Variants in PDK1 observed in about 807,000 individuals in gnomAD.
The protein encoded by PDK1 is [Pyruvate dehydrogenase (acetyl-transferring)] kinase isozyme 1, mitochondrial.
In PDK1, 39 loss-of-function variants were observed where a neutral mutation model predicts 54.2. The ratio of observed to expected loss-of-function variants is 0.72; its 90% CI spans 0.56 to 0.94. The LOEUF (loss-of-function observed/expected upper bound fraction) is 0.94, where lower values mean the gene tolerates loss of function less well. Ranked by LOEUF, PDK1 falls within the 40% of genes least tolerant of loss-of-function variation. The probability of loss-of-function intolerance (pLI) is 0.00; values close to 1 mark genes in which losing one functional copy is unlikely to be tolerated. For synonymous variants in PDK1, 221 were observed against 207.1 expected (o/e 1.07, Z -0.58); for missense variants, 552 against 566.0 (o/e 0.98, Z 0.25).
At chr2:172,685,204 G>A in the PDK1 span, among the ~76,000 whole-genome samples, 1 of 152,176 alleles carries the variant, frequency 6.6e-6, no homozygotes, top group Non-Finnish European at 1.5e-5. Context: ...TGTGAAAACA[G>A]ACTAATACAA....
chr2:172,617,507 CT>C, the PDK1 span, among the ~76,000 whole-genome samples: 2 of 152,136 alleles, frequency 1.3e-5, no homozygotes, highest in African/African-American at 4.8e-5. Flanking sequence ...GGCCTGGTCT[CT>C]CTGCTTCCAA....
At chr2:172,652,530 TC>T in the PDK1 span, among the ~76,000 whole-genome samples, 1 of 152,192 alleles carries the variant, frequency 6.6e-6, no homozygotes, top group Non-Finnish European at 1.5e-5. Context: ...AGTCAAATTG[TC>T]CCTGTTTGCA....
downstream of PDK1, chr2:172,608,685 T>C (rs1471914788): frequency 6.6e-6 from 1 of 152,162 alleles, no homozygotes; most frequent in Non-Finnish European, 1.5e-5. Flanking sequence ...TGTCACTCAT[T>C]TTTGTGTGAG....
At chr2:172,701,631 G>GT in the PDK1 span, among the ~76,000 whole-genome samples, 3 of 128,574 alleles carry the variant, frequency 2.3e-5, no homozygotes, top group South Asian at 2.5e-4. Context: ...AGTTTATCCT[G>GT]TTTTTTTTTT....
chr2:172,659,653 A>G, the PDK1 span, among the ~76,000 whole-genome samples: 2 of 152,194 alleles, frequency 1.3e-5, no homozygotes, highest in Admixed American at 6.5e-5. Flanking sequence ...ATAATTTTGA[A>G]TCAATCGTGA....
At chr2:172,568,692 T>G in intron 6 of PDK1, 49 bp from the exon 7 acceptor site, 1 of 1,121,502 alleles carries the variant, frequency 8.9e-7, no homozygotes. Context: ...TTAAAAATGC[T>G]TTAAGCACAT....
At chr2:172,675,221 G>A in the PDK1 span, among the ~76,000 whole-genome samples, 150,743 of 152,250 alleles carry the variant, frequency 0.99, 74,657 homozygotes, top group Middle Eastern at 1. Context: ...AATTGGGCCA[G>A]TTAATAACCC....
chr2:172,563,510 G>T (rs1030250823), intron 3 of PDK1, among the ~76,000 whole-genome samples: 1 of 152,184 alleles, frequency 6.6e-6, no homozygotes, highest in African/African-American at 2.4e-5. Context: ...GATGGGTTAT[G>T]TTAGAAAATT....
chr2:172,649,587 G>GA, the PDK1 span, among the ~76,000 whole-genome samples: 5 of 151,820 alleles, frequency 3.3e-5, no homozygotes, highest in Non-Finnish European at 7.4e-5. Flanking sequence ...TAAAAACCTT[G>GA]AAAAAAAACT....
intron 8 of PDK1, among the ~76,000 whole-genome samples, chr2:172,577,527 T>C (rs909023092): frequency 1.3e-5 from 2 of 152,166 alleles, no homozygotes; most frequent in African/African-American, 4.8e-5. Flanking sequence ...TTCTCCATTA[T>C]CACTGTCTTT....
chr2:172,587,537 G>T (rs1377422888), intron 9 of PDK1, among the ~76,000 whole-genome samples: 22 of 152,180 alleles, frequency 1.4e-4, no homozygotes, highest in Non-Finnish European at 2.9e-4. Flanking sequence ...CCTTCGCGGT[G>T]AGTGTTACAG....
chr2:172,649,516 G>T, the PDK1 span, among the ~76,000 whole-genome samples: 1 of 152,158 alleles, frequency 6.6e-6, no homozygotes, highest in African/African-American at 2.4e-5. Flanking sequence ...GGCTTCAGAT[G>T]ATCGGTAATA....
At chr2:172,579,915 A>G (rs751182471) in intron 8 of PDK1, among the ~76,000 whole-genome samples, 10 of 151,706 alleles carry the variant, frequency 6.6e-5, no homozygotes, top group Non-Finnish European at 1.0e-4. Flanking sequence ...TATCGCTTCA[A>G]CTTTTTATTC....
the PDK1 span, among the ~76,000 whole-genome samples, chr2:172,675,948 G>C: frequency 8.6e-5 from 13 of 152,000 alleles, no homozygotes; most frequent in African/African-American, 3.1e-4. Context: ...ATATTATTCT[G>C]AAAATCCTAG....
chr2:172,677,615 G>A, the PDK1 span: 3 of 152,166 alleles, frequency 2.0e-5, no homozygotes, highest in South Asian at 6.2e-4. Context: ...GGAAGTGTTT[G>A]AGCACTTAGG....
At chr2:172,585,185 G>A (rs545305123) in intron 8 of PDK1, among the ~76,000 whole-genome samples, 6 of 151,430 alleles carry the variant, frequency 4.0e-5, no homozygotes, top group African/African-American at 7.3e-5. Flanking sequence ...TTTTTGTAGC[G>A]ATGGGGTCTT....
the PDK1 span, among the ~76,000 whole-genome samples, chr2:172,718,322 G>T: frequency 6.6e-6 from 1 of 152,040 alleles, no homozygotes; most frequent in African/African-American, 2.4e-5. Flanking sequence ...CTAAACTGGG[G>T]AAATCCAAAA....
At chr2:172,645,260 CTTTTTT>C in the PDK1 span, among the ~76,000 whole-genome samples, 12 of 51,126 alleles carry the variant, frequency 2.3e-4, no homozygotes, top group African/African-American at 6.8e-4. Context: ...ACAAAATAGG[CTTTTTT>C]TTTTTTTTTT....
chr2:172,562,101 A>T (rs1280277046), intron 2 of PDK1, 119 bp from the exon 3 acceptor site: 1 of 595,998 alleles, frequency 1.7e-6, no homozygotes, highest in Non-Finnish European at 3.0e-6. Context: ...ACCATAATTT[A>T]TAGCAGTATT....
Sources: allele counts gnomAD v4.1 joint callset (sites outside exome capture counted in the v4.1 genomes callset), GRCh38; gene constraint gnomAD v4.1.1; transcripts MANE v1.5; gene names NCBI Gene and HGNC (gene_info 2026-07-23, HGNC 2026-07-21).